Variants in DPYD observed in about 807,000 individuals in gnomAD.
The protein encoded by DPYD is dihydropyrimidine dehydrogenase [NADP(+)].
DPYD carries 109 observed loss-of-function variants against 116.2 expected under a neutral mutation model. The observed-to-expected ratio is 0.94, with a 90% CI of 0.80 to 1.10. The LOEUF (loss-of-function observed/expected upper bound fraction) is 1.10. Ranked by LOEUF, DPYD falls within the 50% of genes least tolerant of loss-of-function variation. The pLI, the probability that DPYD is intolerant of heterozygous loss-of-function variation, is 0.00. For missense variants in DPYD, 1,302 were observed against 1,254.5 expected (o/e 1.04, Z -0.57); for synonymous variants, 440 against 432.0 (o/e 1.02, Z -0.23).
At chr1:97,908,751 C>T (rs1206848672) in intron 1 of DPYD, among the ~76,000 whole-genome samples, 1 of 152,056 alleles carries the variant, frequency 6.6e-6, no homozygotes, top group Non-Finnish European at 1.5e-5. Flanking sequence ...ATTATCTGAC[C>T]TTCCTGAAAC....
chr1:97,173,188 A>G (rs563806548), intron 20 of DPYD, among the ~76,000 whole-genome samples: 3 of 147,618 alleles, frequency 2.0e-5, no homozygotes, highest in East Asian at 3.9e-4. Flanking sequence ...ATACATATAT[A>G]TGTGTATATA....
At chr1:97,745,547 C>A (rs72977751) in intron 3 of DPYD, among the ~76,000 whole-genome samples, 15,968 of 151,988 alleles carry the variant, frequency 0.11, 936 homozygotes, top group African/African-American at 0.14. Context: ...TATTTTCTGA[C>A]GTCTATGTCA....
intron 11 of DPYD, among the ~76,000 whole-genome samples, chr1:97,562,418 T>A (rs1652214227): frequency 1.3e-5 from 2 of 152,216 alleles, no homozygotes; most frequent in Non-Finnish European, 2.9e-5. Context: ...TGCTTGCCAT[T>A]CTTTCACATA....
At chr1:97,340,506 C>T (rs1669537791) in intron 16 of DPYD, among the ~76,000 whole-genome samples, 1 of 151,796 alleles carries the variant, frequency 6.6e-6, no homozygotes, top group Non-Finnish European at 1.5e-5. Context: ...TCTGTCTCCA[C>T]AAAAAAAGTA....
intron 1 of DPYD, among the ~76,000 whole-genome samples, chr1:97,892,413 T>G (rs1226912670): frequency 6.6e-6 from 1 of 151,838 alleles, no homozygotes; most frequent in Non-Finnish European, 1.5e-5. Context: ...AGTGATTTAA[T>G]TAATATCTCA....
At chr1:97,872,453 A>G (rs1177635942) in intron 2 of DPYD, among the ~76,000 whole-genome samples, 1 of 151,974 alleles carries the variant, frequency 6.6e-6, no homozygotes. Context: ...GATGTGGAGA[A>G]AGTTGCAATC....
intron 8 of DPYD, among the ~76,000 whole-genome samples, chr1:97,662,335 C>A (rs957797289): frequency 2.0e-5 from 3 of 151,882 alleles, no homozygotes; most frequent in African/African-American, 7.3e-5. Flanking sequence ...CAATAGTATT[C>A]ATGAATACCA....
intron 3 of DPYD, among the ~76,000 whole-genome samples, chr1:97,823,498 C>T (rs770787052): frequency 6.6e-6 from 1 of 152,170 alleles, no homozygotes; most frequent in Non-Finnish European, 1.5e-5. Context: ...CCACTCCACA[C>T]TACTCTCCCA....
intron 13 of DPYD, among the ~76,000 whole-genome samples, chr1:97,483,093 T>C (rs1678413861): frequency 6.6e-6 from 1 of 152,178 alleles, no homozygotes; most frequent in Non-Finnish European, 1.5e-5. Context: ...AAATGGCTCA[T>C]AATCTGACTT....
At chr1:97,364,711 C>T (rs1014197809) in intron 16 of DPYD, among the ~76,000 whole-genome samples, 2 of 152,020 alleles carry the variant, frequency 1.3e-5, no homozygotes, top group South Asian at 2.1e-4. Context: ...CAATAAGCAC[C>T]ACCTCGTGTT....
intron 20 of DPYD, among the ~76,000 whole-genome samples, chr1:97,186,056 T>C (rs1057432919): frequency 6.6e-6 from 1 of 152,230 alleles, no homozygotes; most frequent in African/African-American, 2.4e-5. Flanking sequence ...GTATCCTCTT[T>C]TGAAACTGTC....
At chr1:97,159,642 T>C (rs10875051) in intron 20 of DPYD, among the ~76,000 whole-genome samples, 20,188 of 151,986 alleles carry the variant, frequency 0.13, 1,645 homozygotes, top group East Asian at 0.29. Context: ...TTTAATAATA[T>C]GTAGGAAGTA....
intron 14 of DPYD, among the ~76,000 whole-genome samples, chr1:97,404,290 C>G (rs72728490): frequency 0.073 from 11,170 of 152,022 alleles, 494 homozygotes; most frequent in African/African-American, 0.12. Context: ...CTATAGATGT[C>G]AAATTATATC....
chr1:97,394,491 C>T (rs1207920578), intron 14 of DPYD: 1 of 152,014 alleles, frequency 6.6e-6, no homozygotes, highest in African/African-American at 2.4e-5. Context: ...TTAAGTTTTC[C>T]ATATTCAACG....
At chr1:97,732,056 C>T (rs932667908) in intron 4 of DPYD, among the ~76,000 whole-genome samples, 1 of 151,966 alleles carries the variant, frequency 6.6e-6, no homozygotes, top group Non-Finnish European at 1.5e-5. Flanking sequence ...GACTCTTGGA[C>T]TTATAGTTGT....
intron 19 of DPYD, among the ~76,000 whole-genome samples, chr1:97,204,695 T>G (rs1659472212): frequency 6.6e-6 from 1 of 152,136 alleles, no homozygotes; most frequent in Non-Finnish European, 1.5e-5. Flanking sequence ...CTCAGAGGGT[T>G]TTTTTCATTC....
At chr1:97,598,566 T>A (rs1456577721) in intron 8 of DPYD, among the ~76,000 whole-genome samples, 3 of 151,834 alleles carry the variant, frequency 2.0e-5, no homozygotes, top group Non-Finnish European at 4.4e-5. Flanking sequence ...TTAAGAATTA[T>A]TTTTAAATGG....
At chr1:97,456,193 T>A (rs1391929051) in intron 13 of DPYD, among the ~76,000 whole-genome samples, 1 of 151,910 alleles carries the variant, frequency 6.6e-6, no homozygotes, top group Non-Finnish European at 1.5e-5. Context: ...ATAATGTTGT[T>A]AGTGACCTCT....
intron 3 of DPYD, among the ~76,000 whole-genome samples, chr1:97,752,445 A>G (rs567279785): frequency 6.6e-6 from 1 of 152,262 alleles, no homozygotes; most frequent in Non-Finnish European, 1.5e-5. Flanking sequence ...ATTTTTTTCT[A>G]AAGTTTTAAT....
Sources: allele counts gnomAD v4.1 joint callset (sites outside exome capture counted in the v4.1 genomes callset), GRCh38; gene constraint gnomAD v4.1.1; transcripts MANE v1.5; gene names NCBI Gene and HGNC (gene_info 2026-07-23, HGNC 2026-07-21).